The following CNBD1 variants were observed in gnomAD, a reference collection of about 807,000 sequenced individuals.
CNBD1 encodes cyclic nucleotide binding domain containing 1.
In CNBD1, 71 loss-of-function variants were observed where a neutral mutation model predicts 54.4. The observed-to-expected ratio is 1.30, with a 90% CI of 1.08 to 1.59. The LOEUF is 1.59. CNBD1 is among the 40% of genes most tolerant of loss of function. CNBD1 has a pLI of 0.00. For missense variants in CNBD1, 659 were observed against 518.0 expected (o/e 1.27, Z -2.64); for synonymous variants, 182 against 170.7 (o/e 1.07, Z -0.51).
intron 2 of CNBD1, among the ~76,000 whole-genome samples, chr8:87,406,483 T>TACACAC (rs1807656005): frequency 7.1e-6 from 1 of 140,140 alleles, no homozygotes; most frequent in African/African-American, 3.1e-5. Flanking sequence ...CACACACTTT[T>TACACAC]TTTTTTTTTT....
intron 4 of CNBD1, among the ~76,000 whole-genome samples, chr8:87,093,021 T>A (rs1811248434): frequency 6.6e-6 from 1 of 152,204 alleles, no homozygotes; most frequent in African/African-American, 2.4e-5. Context: ...GGCTTTTTCC[T>A]CCTGATTGTA....
intron 3 of CNBD1, among the ~76,000 whole-genome samples, chr8:86,920,463 C>T (rs1809253353): frequency 6.6e-6 from 1 of 152,120 alleles, no homozygotes. Context: ...TGGAAGGCAG[C>T]TATGGCCACC....
chr8:86,992,553 T>G (rs1194294752), intron 4 of CNBD1, among the ~76,000 whole-genome samples: 1 of 152,086 alleles, frequency 6.6e-6, no homozygotes, highest in Non-Finnish European at 1.5e-5. Context: ...GTGTAGTTTT[T>G]TTTTAAGTGT....
chr8:87,063,429 A>G (rs1273127818), intron 4 of CNBD1, among the ~76,000 whole-genome samples: 1 of 152,132 alleles, frequency 6.6e-6, no homozygotes, highest in Admixed American at 6.6e-5. Context: ...GCTCTAGATA[A>G]AACAGTGATG....
chr8:87,193,235 T>C (rs1260889713), intron 4 of CNBD1, among the ~76,000 whole-genome samples: 1 of 152,170 alleles, frequency 6.6e-6, no homozygotes, highest in South Asian at 2.1e-4. Context: ...ATTTGGTTAT[T>C]TATATTTGAC....
At chr8:87,321,828 G>C (rs189706180) in intron 8 of CNBD1, among the ~76,000 whole-genome samples, 25 of 142,700 alleles carry the variant, frequency 1.8e-4, no homozygotes, top group East Asian at 1.2e-3. Flanking sequence ...TATACTTTAA[G>C]TTTTAGGGTA....
At chr8:87,374,554 G>A (rs1031186917) in intron 10 of CNBD1, among the ~76,000 whole-genome samples, 1 of 151,708 alleles carries the variant, frequency 6.6e-6, no homozygotes, top group East Asian at 1.9e-4. Flanking sequence ...AGATTAGTTA[G>A]AGACTGAACA....
intron 4 of CNBD1, among the ~76,000 whole-genome samples, chr8:86,955,444 C>A (rs955348405): frequency 2.6e-5 from 4 of 152,214 alleles, no homozygotes; most frequent in African/African-American, 9.6e-5. Context: ...TTTACAGTCC[C>A]ACCAACAGTG....
chr8:87,138,556 T>C (rs558389368), intron 4 of CNBD1, among the ~76,000 whole-genome samples: 48 of 152,308 alleles, frequency 3.2e-4, no homozygotes, highest in African/African-American at 1.1e-3. Flanking sequence ...TGCTGTTTAG[T>C]GGAAATAGTG....
At chr8:87,398,682 G>A (rs1221370726) in intron 2 of CNBD1, among the ~76,000 whole-genome samples, 1 of 151,904 alleles carries the variant, frequency 6.6e-6, no homozygotes, top group Non-Finnish European at 1.5e-5. Flanking sequence ...TCTCAGGGAG[G>A]CCTATATGGT....
At chr8:87,418,381 C>A (rs1310751911) in intron 2 of CNBD1, among the ~76,000 whole-genome samples, 50 of 151,666 alleles carry the variant, frequency 3.3e-4, no homozygotes. Flanking sequence ...GCATCAAAAC[C>A]CTAAATTTAA....
intron 4 of CNBD1, among the ~76,000 whole-genome samples, chr8:87,002,733 T>C (rs1420756858): frequency 6.6e-6 from 1 of 152,092 alleles, no homozygotes; most frequent in East Asian, 1.9e-4. Context: ...CCTCTTACCC[T>C]TATTTTTTTC....
intron 8 of CNBD1, among the ~76,000 whole-genome samples, chr8:87,332,361 A>G (rs1228733737): frequency 6.6e-6 from 1 of 151,928 alleles, no homozygotes; most frequent in African/African-American, 2.4e-5. Flanking sequence ...AAAAAAAAAA[A>G]AAAAAGAAAC....
intron 4 of CNBD1, among the ~76,000 whole-genome samples, chr8:87,028,584 T>C (rs1056598777): frequency 1.3e-5 from 2 of 152,192 alleles, no homozygotes; most frequent in Non-Finnish European, 2.9e-5. Flanking sequence ...TCTCCCTGAC[T>C]GATTAAAACT....
At chr8:87,403,672 A>T (rs905192611) in intron 2 of CNBD1, among the ~76,000 whole-genome samples, 2 of 152,000 alleles carry the variant, frequency 1.3e-5, no homozygotes, top group Admixed American at 6.6e-5. Context: ...TTTTTAAAAA[A>T]ATTATTATTG....
At position 86,869,248 on chromosome 8, in the gene CNBD1, C is replaced by T. The variant is rs143113274; in HGVS notation, c.88+2665C>T. On this transcript the variant is annotated intron_variant, in intron 1 of 10. Coordinates refer to ENST00000518476, the MANE Select transcript of CNBD1 (RefSeq NM_173538.3). ...TAAAATTAATACGTGTTCCAGTTTA[C>T]ACTTAAGGATAATAAGGCTTAGGTT... Among the ~76,000 whole-genome samples the T allele has an allele frequency of 3.6e-4, 55 of 152,280 alleles. 1 individual carries two copies. Among genetic ancestry groups the T allele is most frequent in the African/African-American group, 1.3e-3 (53 of 41,564 alleles).
At chr8:87,075,644 T>C (rs1810853872) in intron 4 of CNBD1, among the ~76,000 whole-genome samples, 1 of 152,182 alleles carries the variant, frequency 6.6e-6, no homozygotes. Context: ...CTTCTATCTC[T>C]TTGGCCATAG....
chr8:87,237,234 G>A lies in CNBD1; in HGVS notation c.771+122G>A, dbSNP rs901781887. Reference sequence around the variant, plus strand: ...GTCCTGAAATATTTACGATAATATAGCCTTTAAAATATAAATGATATTATT... The same window carrying A: ...GTCCTGAAATATTTACGATAATATAACCTTTAAAATATAAATGATATTATT... On this transcript the variant is annotated intron_variant, in intron 6 of 10. Coordinates refer to ENST00000518476, the MANE Select transcript of CNBD1 (RefSeq NM_173538.3). 5.0e-5 allele frequency: 25 copies of A among 504,852 alleles called. No individual in the cohort carries two copies. The South Asian group carries it at 6.8e-4, about 14-fold the overall frequency. The allele number at this position is 504,852 out of a possible 1,614,324, so 31.3% of individuals were successfully genotyped here.
chr8:86,911,442 T>C (rs1386168837), intron 3 of CNBD1, among the ~76,000 whole-genome samples: 1 of 152,220 alleles, frequency 6.6e-6, no homozygotes, highest in Non-Finnish European at 1.5e-5. Context: ...TTGTTAAAAA[T>C]GTATTTATTC....
Sources: allele counts gnomAD v4.1 joint callset (sites outside exome capture counted in the v4.1 genomes callset), GRCh38; gene constraint gnomAD v4.1.1; transcripts MANE v1.5; gene names NCBI Gene and HGNC (gene_info 2026-07-23, HGNC 2026-07-21).